Variants in SPAG17 observed in about 807,000 individuals in gnomAD.
The protein encoded by SPAG17 is sperm associated antigen 17.
A neutral mutation model predicts 273.6 loss-of-function variants in SPAG17; 169 were observed. The observed-to-expected ratio is 0.62, with a 90% CI of 0.55 to 0.70. SPAG17 has a LOEUF of 0.70. Ranked by LOEUF, SPAG17 falls within the 30% of genes least tolerant of loss-of-function variation. The pLI, the probability that SPAG17 is intolerant of heterozygous loss-of-function variation, is 0.00. For missense variants in SPAG17, 2,557 were observed against 2,627.8 expected, an observed-to-expected ratio of 0.97 and a Z score of 0.59; for synonymous variants, 825 against 873.2, an observed-to-expected ratio of 0.94 and a Z score of 0.97.
chr1:118,089,051 G>T (rs1655193261), intron 10 of SPAG17, among the ~76,000 whole-genome samples: 1 of 152,128 alleles, frequency 6.6e-6, no homozygotes, highest in Non-Finnish European at 1.5e-5. Context: ...CTAGTAGGAG[G>T]ACGGGGAAGG....
chr1:118,113,278 G>A (rs1430453996), intron 4 of SPAG17, among the ~76,000 whole-genome samples: 1 of 152,122 alleles, frequency 6.6e-6, no homozygotes, highest in Non-Finnish European at 1.5e-5. Flanking sequence ...AAGATGAAAA[G>A]ATTAGCTAAA....
intron 1 of SPAG17, among the ~76,000 whole-genome samples, chr1:118,160,055 C>T (rs1659838782): frequency 6.6e-6 from 1 of 152,140 alleles, no homozygotes; most frequent in Non-Finnish European, 1.5e-5. Context: ...ATATCAGAGA[C>T]ATTCTTCTAA....
chr1:118,040,704 A>G (rs2101924973), intron 22 of SPAG17, 26 bp downstream of exon 22: 3 of 1,427,294 alleles, frequency 2.1e-6, no homozygotes, highest in South Asian at 1.1e-5. Flanking sequence ...GTTTCCAATC[A>G]TTAACCAGTT....
At chr1:118,055,707 A>T in intron 19 of SPAG17, 26 bp downstream of exon 19, 1 of 1,519,634 alleles carries the variant, frequency 6.6e-7, no homozygotes, top group Non-Finnish European at 9.1e-7. Flanking sequence ...ATTTTATTCT[A>T]CGTATAAGTT....
chr1:118,062,687 A>C (rs1652466474), intron 18 of SPAG17, among the ~76,000 whole-genome samples: 4 of 152,128 alleles, frequency 2.6e-5, no homozygotes, highest in Admixed American at 2.6e-4. Context: ...GTTTTTTTAA[A>C]AATGTTTTTT....
rs560213815 is a variant in SPAG17, at chr1:118,108,704, C to CT, written c.447+6605dup. 1.4e-3 allele frequency among the ~76,000 whole-genome samples: 200 copies of CT among 143,736 alleles called. 2 individuals are homozygous for CT. Among genetic ancestry groups the CT allele is most frequent in the South Asian group, 4.0e-3 (18 of 4,508 alleles). 94.3% of individuals were successfully genotyped at this position (143,736 alleles called of 152,430 possible). On this transcript the variant is annotated intron_variant, in intron 4 of 48. Transcript: ENST00000336338. ...GAAGAGTCAAGTTTGCCACAGATTA[C>CT]TTTTTTTTTTTTTTAATGCAGTATG...
intron 35 of SPAG17, 122 bp downstream of exon 35, chr1:117,994,284 A>T: frequency 9.1e-7 from 1 of 1,094,212 alleles, no homozygotes; most frequent in African/African-American, 1.6e-5. Context: ...CCTTGAGCAC[A>T]TTAAAAATTT....
At chr1:117,985,609 T>A (rs1471626647) in intron 40 of SPAG17, among the ~76,000 whole-genome samples, 3 of 152,180 alleles carry the variant, frequency 2.0e-5, no homozygotes, top group African/African-American at 7.2e-5. Context: ...TTTTTTCACG[T>A]TAGGAAAATA....
At chr1:118,090,259 A>G (rs1323958673) in intron 10 of SPAG17, among the ~76,000 whole-genome samples, 1 of 152,222 alleles carries the variant, frequency 6.6e-6, no homozygotes, top group Non-Finnish European at 1.5e-5. Context: ...AGATACACAT[A>G]GAACCTTCAC....
intron 15 of SPAG17, chr1:118,076,373 G>A (rs1488157703): frequency 6.6e-6 from 1 of 152,138 alleles, no homozygotes; most frequent in African/African-American, 2.4e-5. Context: ...GGCTGGTGAA[G>A]GTGACAGCAT....
intron 42 of SPAG17, among the ~76,000 whole-genome samples, chr1:117,983,190 G>A (rs1434728821): frequency 6.6e-6 from 1 of 152,158 alleles, no homozygotes; most frequent in Non-Finnish European, 1.5e-5. Context: ...CTTGTGCAGG[G>A]GAACTGCCCC....
In SPAG17 at chr1:117,992,528, G is replaced by C; in HGVS notation, c.5299C>G (p.Gln1767Glu). 6.2e-7 allele frequency: 1 copy of C among 1,613,712 alleles called. No individual in the cohort carries two copies. Among genetic ancestry groups the C allele is most frequent in the Non-Finnish European group, 8.5e-7 (1 of 1,179,826 alleles). The change falls in exon 36 of 49, where the codon CAA (glutamine) becomes GAA (glutamate). Residue 1767 changes from glutamine (Q) to glutamate (E), a missense_variant. Gln to Glu is a conservative substitution (Grantham distance 29). Coordinates refer to ENST00000336338, the MANE Select transcript of SPAG17 (RefSeq NM_206996.4). ...LKSPSVLQMR[Q>E]FIQHEVIKNE... ...TTTATGACCTCATGCTGAATGAATTGGCGCATCTGTAGCACACTGGGGCTC... is the reference window on the plus strand; with the variant it reads ...TTTATGACCTCATGCTGAATGAATTCGCGCATCTGTAGCACACTGGGGCTC...
chr1:118,151,416 T>C (rs1448220278), intron 1 of SPAG17, 47 bp from the exon 2 acceptor site: 47 of 1,494,184 alleles, frequency 3.1e-5, no homozygotes, highest in Non-Finnish European at 4.3e-5. Flanking sequence ...CCTGAATAGG[T>C]CATTTCGTGT....
At chr1:118,097,371 T>A (rs1272879188) in intron 7 of SPAG17, among the ~76,000 whole-genome samples, 3 of 152,218 alleles carry the variant, frequency 2.0e-5, no homozygotes, top group Admixed American at 2.0e-4. Context: ...AATTACTGTC[T>A]AGAACATTGT....
At chr1:117,972,592 A>T (rs1399035390) in intron 44 of SPAG17, among the ~76,000 whole-genome samples, 2 of 152,222 alleles carry the variant, frequency 1.3e-5, no homozygotes, top group Non-Finnish European at 2.9e-5. Flanking sequence ...AGTTTGTTAG[A>T]ACTGCAGAAT....
Position 117,985,940 on chromosome 1 carries a change from G to A in SPAG17, c.5670-1158C>T, listed in dbSNP as rs147587217. Among the ~76,000 whole-genome samples, 244 of 152,240 alleles carry A rather than the reference G, an allele frequency of 1.6e-3. 1 individual carries two copies. The highest frequency in any genetic ancestry group is 5.5e-3 in the African/African-American group (230 of 41,540). On this transcript the variant is annotated intron_variant, in intron 40 of 48. Transcript: ENST00000336338. ...TGACAACTGCACATGCTAGTCAGCC[G>A]TCAGTCCCCCAGTGTGAGAGCTAAA...
chr1:118,019,711 A>G (rs533267379), intron 28 of SPAG17, among the ~76,000 whole-genome samples: 29 of 152,362 alleles, frequency 1.9e-4, no homozygotes, highest in Admixed American at 6.5e-4. Flanking sequence ...CACAGGGAAT[A>G]TTTTAAAGAC....
chr1:118,016,275 CT>C, intron 28 of SPAG17, 93 bp from the exon 29 acceptor site: 1 of 925,844 alleles, frequency 1.1e-6, no homozygotes, highest in South Asian at 1.6e-5. Flanking sequence ...TACAAACTAC[CT>C]CAGATACTGT....
intron 30 of SPAG17, among the ~76,000 whole-genome samples, chr1:118,009,787 T>A (rs989649672): frequency 2.0e-5 from 3 of 152,112 alleles, no homozygotes; most frequent in Non-Finnish European, 4.4e-5. Flanking sequence ...CTCATATTCA[T>A]TGCAGCATTA....
Sources: gnomAD v4.1 joint callset for allele counts (sites outside exome capture counted in the v4.1 genomes callset) on GRCh38, gnomAD v4.1.1 for gene constraint, MANE v1.5 for transcripts, NCBI Gene and HGNC (gene_info 2026-07-23, HGNC 2026-07-21) for gene names.